The following CCDC171 variants were observed in gnomAD, a reference collection of about 807,000 sequenced individuals.
The protein encoded by CCDC171 is coiled-coil domain-containing protein 171.
CCDC171 carries 177 observed loss-of-function variants against 168.2 expected under a neutral mutation model. The observed-to-expected ratio is 1.05, with a 90% CI of 0.93 to 1.19. The LOEUF is 1.19. Ranked by LOEUF, CCDC171 falls within the 50% of genes most tolerant of loss-of-function variation. The probability of loss-of-function intolerance (pLI) is 0.00; values close to 1 mark genes in which losing one functional copy is unlikely to be tolerated. For synonymous variants in CCDC171, 687 were observed against 540.8 expected, an observed-to-expected ratio of 1.27 and a Z score of -3.75; for missense variants, 1,991 against 1,539.0, an observed-to-expected ratio of 1.29 and a Z score of -4.91.
intron 18 of CCDC171, among the ~76,000 whole-genome samples, chr9:15,772,502 A>G (rs1025526426): frequency 6.6e-6 from 1 of 152,242 alleles, no homozygotes; most frequent in Non-Finnish European, 1.5e-5. Context: ...AGTTTGGAAC[A>G]CAAGCATAAT....
chr9:16,034,577 G>A (rs1012776037), intron 6 of CCDC171, among the ~76,000 whole-genome samples: 5 of 152,150 alleles, frequency 3.3e-5, no homozygotes, highest in East Asian at 1.9e-4. Flanking sequence ...GTTTCAGTGC[G>A]TGTGACATAG....
Position 15,757,755 on chromosome 9 carries a change from G to A in CCDC171, c.2671+12124G>A, listed in dbSNP as rs1321096511. Reference sequence around the variant, plus strand: ...CCCCCGTGCTGTGGTCAGCCTAGGGGCTTGATGCCCTGCGTCCCAGCTGCT... The same window carrying A: ...CCCCCGTGCTGTGGTCAGCCTAGGGACTTGATGCCCTGCGTCCCAGCTGCT... On this transcript the variant is annotated intron_variant, in intron 18 of 25. Coordinates refer to ENST00000380701, the MANE Select transcript of CCDC171 (RefSeq NM_173550.4). Among the ~76,000 whole-genome samples the A allele has an allele frequency of 2.6e-5, 4 of 152,176 alleles. No individual in the cohort carries two copies. The East Asian group carries it at 7.7e-4, about 29-fold the overall frequency.
intron 4 of CCDC171, among the ~76,000 whole-genome samples, chr9:15,580,268 G>C (rs1282390518): frequency 6.6e-6 from 1 of 152,150 alleles, no homozygotes; most frequent in Non-Finnish European, 1.5e-5. Context: ...AATTCTAGAA[G>C]ATAACATTGG....
intron 23 of CCDC171, among the ~76,000 whole-genome samples, chr9:15,868,831 C>T (rs770199): frequency 0.78 from 118,901 of 151,830 alleles, 47,333 homozygotes; most frequent in East Asian, 0.89. Context: ...AATCAAGTGA[C>T]GTAGTATGGA....
intron 24 of CCDC171, among the ~76,000 whole-genome samples, chr9:15,889,587 T>G (rs569622255): frequency 6.6e-6 from 1 of 152,300 alleles, no homozygotes; most frequent in South Asian, 2.1e-4. Context: ...TCTAATAGGC[T>G]TTATCTTGCT....
At chr9:16,008,942 G>A (rs1832782997) in intron 3 of CCDC171, among the ~76,000 whole-genome samples, 1 of 151,996 alleles carries the variant, frequency 6.6e-6, no homozygotes, top group African/African-American at 2.4e-5. Context: ...TTTCATATAA[G>A]CAGGCCCTTG....
intron 23 of CCDC171, among the ~76,000 whole-genome samples, chr9:15,863,411 C>G (rs927649238): frequency 1.3e-4 from 19 of 151,932 alleles, no homozygotes; most frequent in African/African-American, 4.6e-4. Context: ...GAAGGAGAGT[C>G]CAGGGTTTCC....
At chr9:16,079,318 G>C in the CCDC171 span, among the ~76,000 whole-genome samples, 2 of 152,198 alleles carry the variant, frequency 1.3e-5, no homozygotes, top group African/African-American at 4.8e-5. Context: ...CCAGTACATA[G>C]AATGTGACCT....
intron 8 of CCDC171, among the ~76,000 whole-genome samples, chr9:16,036,426 C>T (rs541686389): frequency 8.6e-4 from 131 of 152,264 alleles, no homozygotes; most frequent in Admixed American, 2.6e-3. Context: ...AGGCGGATCT[C>T]GAGGTCAGGA....
chr9:15,709,087 A>C (rs1041355865), intron 11 of CCDC171, among the ~76,000 whole-genome samples: 38 of 152,200 alleles, frequency 2.5e-4, no homozygotes, highest in African/African-American at 9.2e-4. Flanking sequence ...TTCACCATGG[A>C]AATTGGAATA....
At position 16,017,800 on chromosome 9, in the gene CCDC171, C is replaced by A. The variant is rs544905240; in HGVS notation, n.369-2789C>A. On this transcript the variant is annotated intron_variant and non_coding_transcript_variant, in intron 3 of 9. Coordinates refer to the CCDC171 transcript ENST00000486641. ...TCACCTAGCTTACAAATATTTATTT[C>A]ATAACATGCGTTGCACAAGAAAGAG... is the stretch of plus-strand genomic sequence containing the variant. 1.7e-3 allele frequency among the ~76,000 whole-genome samples: 260 copies of A among 152,294 alleles called. 2 individuals are homozygous for A. Among genetic ancestry groups the A allele is most frequent in the Non-Finnish European group, 2.7e-3 (186 of 68,020 alleles).
intron 24 of CCDC171, among the ~76,000 whole-genome samples, chr9:15,908,734 G>T (rs1304003323): frequency 1.3e-5 from 2 of 152,104 alleles, no homozygotes; most frequent in African/African-American, 4.8e-5. Context: ...GGCTTCTAGG[G>T]AAGCTTCAGG....
chr9:15,943,273 T>A (rs1827928029), intron 25 of CCDC171, among the ~76,000 whole-genome samples: 2 of 151,952 alleles, frequency 1.3e-5, no homozygotes, highest in South Asian at 4.1e-4. Context: ...TAAAAGGAAA[T>A]GTCAAAAGAC....
chr9:15,677,856 T>C (rs1336108531), intron 9 of CCDC171, among the ~76,000 whole-genome samples: 12 of 32,882 alleles, frequency 3.6e-4, no homozygotes, highest in African/African-American at 1.3e-3. Context: ...TGTGTGTATG[T>C]ATATATATAT....
At chr9:15,901,103 A>T (rs575150857) in intron 24 of CCDC171, among the ~76,000 whole-genome samples, 1 of 152,316 alleles carries the variant, frequency 6.6e-6, no homozygotes, top group East Asian at 1.9e-4. Flanking sequence ...TAAAGGTATG[A>T]TTTTTAAAGG....
chr9:16,075,207 T>G, the CCDC171 span, among the ~76,000 whole-genome samples: 1 of 152,206 alleles, frequency 6.6e-6, no homozygotes, highest in African/African-American at 2.4e-5. Context: ...TCTTCCTACT[T>G]CTTTCTGTTA....
intron 3 of CCDC171, among the ~76,000 whole-genome samples, chr9:16,001,312 A>T (rs529964727): frequency 5.1e-4 from 78 of 152,258 alleles, no homozygotes; most frequent in Admixed American, 8.5e-4. Flanking sequence ...TCTCTCTTGA[A>T]GAAAACAATA....
At chr9:15,693,155 A>T (rs1363310964) in intron 10 of CCDC171, among the ~76,000 whole-genome samples, 1 of 151,924 alleles carries the variant, frequency 6.6e-6, no homozygotes, top group Non-Finnish European at 1.5e-5. Context: ...ACAAAACAAA[A>T]CACCAAAAAA....
intron 16 of CCDC171, 40 bp downstream of exon 16, chr9:15,729,838 T>A: frequency 2.6e-6 from 4 of 1,548,430 alleles, no homozygotes; most frequent in Non-Finnish European, 3.5e-6. Context: ...AATGGGTTAC[T>A]CAGTGTAACC....
Sources: allele counts gnomAD v4.1 joint callset (sites outside exome capture counted in the v4.1 genomes callset), GRCh38; gene constraint gnomAD v4.1.1; transcripts MANE v1.5; gene names NCBI Gene and HGNC (gene_info 2026-07-23, HGNC 2026-07-21).